GALNT13: variants seen among roughly 807,000 people sequenced by gnomAD.
The protein encoded by GALNT13 is polypeptide N-acetylgalactosaminyltransferase 13.
In GALNT13, 28 loss-of-function variants were observed where a neutral mutation model predicts 64.2. The ratio of observed to expected loss-of-function variants is 0.44; its 90% CI spans 0.32 to 0.60. The LOEUF (loss-of-function observed/expected upper bound fraction) is 0.60. Ranked by LOEUF, GALNT13 falls within the 20% of genes least tolerant of loss-of-function variation. The pLI, the probability that GALNT13 is intolerant of heterozygous loss-of-function variation, is 0.05. For synonymous variants in GALNT13, 214 were observed against 224.6 expected, an observed-to-expected ratio of 0.95 and a Z score of 0.42; for missense variants, 577 against 669.8, an observed-to-expected ratio of 0.86 and a Z score of 1.53.
chr2:154,336,528 T>C (rs1695455195), intron 9 of GALNT13, among the ~76,000 whole-genome samples: 1 of 152,144 alleles, frequency 6.6e-6, no homozygotes, highest in Non-Finnish European at 1.5e-5. Flanking sequence ...AGTTACTGTG[T>C]TGGCAAAGCA....
chr2:154,296,510 C>T (rs1286443170), intron 8 of GALNT13, among the ~76,000 whole-genome samples: 1 of 152,126 alleles, frequency 6.6e-6, no homozygotes, highest in East Asian at 1.9e-4. Context: ...TACCAAACAC[C>T]TTGCATTTTT....
the GALNT13 span, among the ~76,000 whole-genome samples, chr2:153,238,800 G>T: frequency 6.6e-5 from 10 of 152,100 alleles, no homozygotes; most frequent in East Asian, 1.7e-3. Flanking sequence ...TGCTCATTTT[G>T]CTCAGAATGC....
chr2:153,097,728 T>G, the GALNT13 span, among the ~76,000 whole-genome samples: 6 of 152,308 alleles, frequency 3.9e-5, no homozygotes, highest in African/African-American at 1.4e-4. Flanking sequence ...TCTTTCCTAA[T>G]TTTTGGTATT....
the GALNT13 span, among the ~76,000 whole-genome samples, chr2:153,295,905 GACTTGGT>G: frequency 6.6e-6 from 1 of 152,160 alleles, no homozygotes; most frequent in Non-Finnish European, 1.5e-5. Context: ...AAACAATTGG[GACTTGGT>G]ACATCTGACT....
At chr2:153,702,651 T>G in the GALNT13 span, among the ~76,000 whole-genome samples, 2 of 152,052 alleles carry the variant, frequency 1.3e-5, no homozygotes, top group African/African-American at 4.8e-5. Flanking sequence ...AGTTTTTGGC[T>G]AGAACAACAG....
At chr2:154,399,024 C>T (rs755708653) in intron 10 of GALNT13, among the ~76,000 whole-genome samples, 3 of 152,248 alleles carry the variant, frequency 2.0e-5, no homozygotes, top group East Asian at 3.9e-4. Flanking sequence ...GGATAAATTA[C>T]GTGCTAGTCC....
chr2:153,646,448 T>A, the GALNT13 span, among the ~76,000 whole-genome samples: 1 of 141,912 alleles, frequency 7.0e-6, no homozygotes, highest in Non-Finnish European at 1.6e-5. Context: ...TTTCTCTTTT[T>A]TTTCTTTTAT....
At chr2:153,321,972 TTGTGTGTGTG>T in the GALNT13 span, among the ~76,000 whole-genome samples, 1 of 149,206 alleles carries the variant, frequency 6.7e-6, no homozygotes, top group African/African-American at 2.5e-5. Flanking sequence ...GTGTGTAAAG[TTGTGTGTGTG>T]TGTGTGTGTG....
chr2:154,044,100 AT>A (rs1699159578), intron 3 of GALNT13, among the ~76,000 whole-genome samples: 1 of 151,988 alleles, frequency 6.6e-6, no homozygotes, highest in Non-Finnish European at 1.5e-5. Flanking sequence ...AAATAAAAAA[AT>A]ATAAGATTTG....
intron 9 of GALNT13, among the ~76,000 whole-genome samples, chr2:154,374,340 A>G (rs564183706): frequency 6.6e-6 from 1 of 152,298 alleles, no homozygotes; most frequent in East Asian, 1.9e-4. Flanking sequence ...TTAATTAAGC[A>G]CTATTGCCTT....
intron 3 of GALNT13, among the ~76,000 whole-genome samples, chr2:154,001,309 G>T (rs1695888360): frequency 6.6e-6 from 1 of 151,630 alleles, no homozygotes; most frequent in South Asian, 2.1e-4. Context: ...ATAGGTAAGG[G>T]TTTATTACTG....
chr2:153,257,914 A>G, the GALNT13 span, among the ~76,000 whole-genome samples: 22,575 of 152,196 alleles, frequency 0.15, 2,082 homozygotes, highest in Non-Finnish European at 0.21. Context: ...CCAATAAAAG[A>G]CCCTTGGGAA....
intron 9 of GALNT13, among the ~76,000 whole-genome samples, chr2:154,337,818 G>C (rs1184935234): frequency 6.6e-6 from 1 of 151,752 alleles, no homozygotes; most frequent in Non-Finnish European, 1.5e-5. Context: ...TATGTCTGAA[G>C]AACAAGAGAA....
At chr2:153,487,379 C>T in the GALNT13 span, among the ~76,000 whole-genome samples, 627 of 152,328 alleles carry the variant, frequency 4.1e-3, 4 homozygotes, top group African/African-American at 0.014. Flanking sequence ...CGCCTACCAA[C>T]ATCACTCTGC....
At chr2:154,138,386 TTGTAAACAAC>T (rs1240379652) in intron 3 of GALNT13, among the ~76,000 whole-genome samples, 1 of 152,076 alleles carries the variant, frequency 6.6e-6, no homozygotes, top group Admixed American at 6.6e-5. Flanking sequence ...TACAAAGATA[TTGTAAACAAC>T]TGTAAACAGG....
chr2:153,754,512 A>G, the GALNT13 span, among the ~76,000 whole-genome samples: 2 of 151,946 alleles, frequency 1.3e-5, no homozygotes, highest in South Asian at 4.2e-4. Flanking sequence ...CAGCCTCACA[A>G]CTCTTGACCA....
At chr2:153,877,956 G>GC in intron 1 of GALNT13, among the ~76,000 whole-genome samples, 1 of 152,112 alleles carries the variant, frequency 6.6e-6, no homozygotes, top group South Asian at 2.1e-4. Context: ...TATAAATGAG[G>GC]CATCACCTCA....
Position 153,930,895 on chromosome 2 carries a change from T to A in GALNT13, c.-104-13499T>A, listed in dbSNP as rs1051692802. ...GTAGTTTGATAGGAATGGTATTGAATCTGTAAATGGCTTTGGGCAGTATAG... is the reference window on the plus strand; with the variant it reads ...GTAGTTTGATAGGAATGGTATTGAAACTGTAAATGGCTTTGGGCAGTATAG... On this transcript the variant is annotated intron_variant, in intron 2 of 12. Transcript: ENST00000392825. Among the ~76,000 whole-genome samples the A allele has an allele frequency of 4.6e-5, 7 of 152,282 alleles. No homozygotes were observed. In the East Asian group the frequency reaches 1.4e-3, roughly 29 times the overall value.
the GALNT13 span, among the ~76,000 whole-genome samples, chr2:153,593,599 T>A: frequency 6.6e-6 from 1 of 152,194 alleles, no homozygotes; most frequent in Non-Finnish European, 1.5e-5. Context: ...TCATTTGCCA[T>A]CTTTGTAAAC....
Sources: allele counts gnomAD v4.1 joint callset (sites outside exome capture counted in the v4.1 genomes callset), GRCh38; gene constraint gnomAD v4.1.1; transcripts MANE v1.5; gene names NCBI Gene and HGNC (gene_info 2026-07-23, HGNC 2026-07-21).